The following ST7 variants were observed in gnomAD, a reference collection of about 807,000 sequenced individuals.
ST7 encodes the protein suppression of tumorigenicity 7.
In ST7, 28 loss-of-function variants were observed where a neutral mutation model predicts 78.7. The observed-to-expected ratio is 0.36, with a 90% confidence interval of 0.26 to 0.49. The LOEUF is 0.49. Among genes scored for constraint, ST7 ranks in the 20% least tolerant of loss-of-function variants. The pLI is 0.99. For missense variants in ST7, 418 were observed against 696.0 expected (o/e 0.60, Z 4.49); for synonymous variants, 247 against 249.6 (o/e 0.99, Z 0.10).
At chr7:117,170,395 C>T (rs530854202) in intron 9 of ST7, among the ~76,000 whole-genome samples, 6 of 152,132 alleles carry the variant, frequency 3.9e-5, no homozygotes, top group Non-Finnish European at 7.3e-5. Context: ...AAATACAATT[C>T]AGTATTATAC....
At chr7:117,089,506 T>C (rs1800419322) in intron 1 of ST7, among the ~76,000 whole-genome samples, 1 of 151,712 alleles carries the variant, frequency 6.6e-6, no homozygotes, top group Non-Finnish European at 1.5e-5. Flanking sequence ...AAAAAAAACC[T>C]GTGCGGGATT....
chr7:116,963,825 G>A (rs1390181102), intron 1 of ST7, among the ~76,000 whole-genome samples: 1 of 151,870 alleles, frequency 6.6e-6, no homozygotes, highest in African/African-American at 2.4e-5. Flanking sequence ...TAGAGACAGG[G>A]TTTCACCATA....
At chr7:117,064,345 A>G (rs886552145) in intron 1 of ST7, among the ~76,000 whole-genome samples, 3 of 152,230 alleles carry the variant, frequency 2.0e-5, no homozygotes, top group Admixed American at 2.0e-4. Context: ...CAAGGTAATT[A>G]AAAAACTACT....
intron 1 of ST7, among the ~76,000 whole-genome samples, chr7:117,053,233 A>G (rs1375933765): frequency 6.6e-6 from 1 of 152,216 alleles, no homozygotes; most frequent in Non-Finnish European, 1.5e-5. Flanking sequence ...TGTAAAAACC[A>G]CTGTCTACTC....
At chr7:116,959,324 G>A (rs1248522884) in intron 1 of ST7, 1 of 465,628 alleles carries the variant, frequency 2.1e-6, no homozygotes, top group South Asian at 1.6e-5. Flanking sequence ...TGGCATGCCT[G>A]CAGTTACTTT....
At chr7:117,092,334 A>T (rs997332609) in intron 1 of ST7, among the ~76,000 whole-genome samples, 2 of 151,682 alleles carry the variant, frequency 1.3e-5, no homozygotes, top group African/African-American at 4.8e-5. Flanking sequence ...AAAAAAAAAA[A>T]AAAGAAGTTA....
At chr7:117,206,224 T>C (rs1791739416) in intron 12 of ST7, among the ~76,000 whole-genome samples, 2 of 152,226 alleles carry the variant, frequency 1.3e-5, no homozygotes, top group Non-Finnish European at 2.9e-5. Flanking sequence ...AAGGCAGAGT[T>C]GTTTCCTTGA....
At chr7:117,049,558 C>T (rs1287814835) in intron 1 of ST7, among the ~76,000 whole-genome samples, 1 of 152,176 alleles carries the variant, frequency 6.6e-6, no homozygotes, top group Non-Finnish European at 1.5e-5. Context: ...CACAGGTATG[C>T]CTTTCTTATA....
chr7:117,161,478 C>T (rs1323777514), intron 9 of ST7, among the ~76,000 whole-genome samples: 1 of 150,848 alleles, frequency 6.6e-6, no homozygotes, highest in Non-Finnish European at 1.5e-5. Flanking sequence ...TCTTTTCTTA[C>T]AAGAAATAAA....
intron 15 of ST7, chr7:117,223,052 C>T (rs926426078): frequency 3.4e-5 from 37 of 1,103,488 alleles, no homozygotes; most frequent in South Asian, 1.9e-4. Context: ...CCATCCACCC[C>T]GTTGCTCAAG....
At chr7:117,124,771 A>G (rs1009922816) in intron 3 of ST7, among the ~76,000 whole-genome samples, 8 of 152,162 alleles carry the variant, frequency 5.3e-5, no homozygotes, top group African/African-American at 1.4e-4. Context: ...TCTACTGCAT[A>G]AAGTCATTTC....
chr7:117,152,177 C>CTA (rs58892731), intron 9 of ST7, among the ~76,000 whole-genome samples: 2,802 of 65,548 alleles, frequency 0.043, 194 homozygotes, highest in Non-Finnish European at 0.054. Flanking sequence ...TATATAAAAA[C>CTA]TATATATATA....
chr7:117,201,731 A>T (rs1312564452), intron 12 of ST7, among the ~76,000 whole-genome samples: 1 of 151,874 alleles, frequency 6.6e-6, no homozygotes, highest in Non-Finnish European at 1.5e-5. Flanking sequence ...TCCTGGGCTG[A>T]AGAGATTTGC....
intron 9 of ST7, among the ~76,000 whole-genome samples, chr7:117,157,639 G>A (rs1432960886): frequency 1.3e-5 from 2 of 152,190 alleles, no homozygotes; most frequent in African/African-American, 4.8e-5. Flanking sequence ...TTACCCATGT[G>A]AATGTGGAAG....
chr7:117,131,326 T>C (rs900054875), intron 5 of ST7, among the ~76,000 whole-genome samples: 1 of 151,900 alleles, frequency 6.6e-6, no homozygotes, highest in African/African-American at 2.4e-5. Flanking sequence ...ATATTCCCAT[T>C]GAGCTTCCCA....
chr7:117,193,624 T>C (rs1810005329), intron 12 of ST7, among the ~76,000 whole-genome samples: 1 of 152,244 alleles, frequency 6.6e-6, no homozygotes, highest in African/African-American at 2.4e-5. Context: ...CAGCCTAGGC[T>C]TGGACTCTTC....
chr7:117,202,894 A>T lies in ST7; in HGVS notation c.1255-6893A>T, dbSNP rs187640477. Among the ~76,000 whole-genome samples, 266 of 152,128 alleles carry T rather than the reference A, an allele frequency of 1.7e-3. 7 individuals are homozygous for T. The East Asian group carries it at 0.036, about 20-fold the overall frequency. On this transcript the variant is annotated intron_variant, in intron 12 of 15. Transcript: ENST00000323984. ...TTCCCCCCCTCAGTATCTGCAGGGG[A>T]TTGGTTCCAGGACCCCTCACATATA...
intron 3 of ST7, among the ~76,000 whole-genome samples, chr7:117,128,999 C>G (rs1348994619): frequency 1.3e-5 from 2 of 151,764 alleles, no homozygotes; most frequent in African/African-American, 2.4e-5. Context: ...TAATCATAGA[C>G]TGTTTTAAAA....
chr7:117,222,385 A>C (rs1425484763), intron 15 of ST7, among the ~76,000 whole-genome samples: 1 of 152,224 alleles, frequency 6.6e-6, no homozygotes, highest in Non-Finnish European at 1.5e-5. Context: ...GGTTTTCTGT[A>C]AATTGAATGA....
Sources: allele counts gnomAD v4.1 joint callset (sites outside exome capture counted in the v4.1 genomes callset), GRCh38; gene constraint gnomAD v4.1.1; transcripts MANE v1.5; gene names NCBI Gene and HGNC (gene_info 2026-07-23, HGNC 2026-07-21).